Variants in FDFT1 observed in about 807,000 individuals in gnomAD.
FDFT1 encodes squalene synthase.
A neutral mutation model predicts 46.8 loss-of-function variants in FDFT1; 68 were observed. The observed-to-expected ratio is 1.45, with a 90% CI of 1.19 to 1.78. The LOEUF is 1.78. Ranked by LOEUF, FDFT1 falls within the 40% of genes most tolerant of loss-of-function variation. FDFT1 has a pLI of 0.00. For missense variants in FDFT1, 928 were observed against 524.4 expected, an observed-to-expected ratio of 1.77 and a Z score of -7.52; for synonymous variants, 351 against 185.1, an observed-to-expected ratio of 1.90 and a Z score of -7.28.
At chr8:11,797,168 C>G (rs1017469487) in intron 1 of FDFT1, among the ~76,000 whole-genome samples, 1 of 152,216 alleles carries the variant, frequency 6.6e-6, no homozygotes, top group African/African-American at 2.4e-5. Context: ...CGGCCCCTCC[C>G]TGTTTTAGCT....
chr8:11,824,515 C>T (rs1416300803), intron 4 of FDFT1, among the ~76,000 whole-genome samples: 1 of 152,246 alleles, frequency 6.6e-6, no homozygotes, highest in African/African-American at 2.4e-5. Flanking sequence ...CCCCTTGAAC[C>T]TTCCTGGGTT....
At chr8:11,808,269 C>T in intron 1 of FDFT1, 9 of 1,215,216 alleles carry the variant, frequency 7.4e-6, no homozygotes, top group South Asian at 4.3e-5. Flanking sequence ...GGAGGACGAG[C>T]GAGCCGCTCG....
chr8:11,832,142 C>G (rs1372928384), intron 7 of FDFT1, among the ~76,000 whole-genome samples: 8 of 152,170 alleles, frequency 5.3e-5, no homozygotes, highest in South Asian at 2.1e-4. Context: ...GGAAAGCCAT[C>G]AAGTTGCAAT....
chr8:11,810,960 G>C (rs913974229), intron 3 of FDFT1, among the ~76,000 whole-genome samples: 27 of 113,580 alleles, frequency 2.4e-4, no homozygotes, highest in Non-Finnish European at 3.4e-4. Context: ...AAAAAAAAAG[G>C]AATGTTTGGG....
intron 1 of FDFT1, chr8:11,803,301 TA>T: frequency 7.6e-7 from 1 of 1,308,106 alleles, no homozygotes; most frequent in Non-Finnish European, 1.0e-6. Flanking sequence ...AGTTTTTTGG[TA>T]AGCGGAATGA....
At chr8:11,811,191 C>CAG (rs1470686862) in intron 3 of FDFT1, among the ~76,000 whole-genome samples, 1 of 152,186 alleles carries the variant, frequency 6.6e-6, no homozygotes, top group Non-Finnish European at 1.5e-5. Flanking sequence ...TTGACTCTCA[C>CAG]AGGACACCTG....
intron 7 of FDFT1, among the ~76,000 whole-genome samples, chr8:11,833,231 G>T (rs938032044): frequency 6.6e-6 from 1 of 152,098 alleles, no homozygotes; most frequent in African/African-American, 2.4e-5. Flanking sequence ...TGATCTATGT[G>T]CCTGGGGTAG....
chr8:11,809,256 G>T, intron 2 of FDFT1: 1 of 1,149,030 alleles, frequency 8.7e-7, no homozygotes, highest in Non-Finnish European at 1.1e-6. Context: ...CTGCCTCTGT[G>T]CACATTACAC....
chr8:11,809,618 A>T (rs766342095), intron 2 of FDFT1, 49 bp from the exon 3 acceptor site: 2 of 1,515,454 alleles, frequency 1.3e-6, no homozygotes, highest in Non-Finnish European at 1.8e-6. Context: ...AAAATAAAAA[A>T]TCTTTGGCTG....
chr8:11,831,629 A>G lies in FDFT1; in HGVS notation c.991A>G (p.Met331Val), dbSNP rs1467716511. Reference sequence around the variant, plus strand: ...GACCCTGATGATGGATGCCACCAATATGCCAGCTGTCAAAGCCATCATATA... The same window carrying G: ...GACCCTGATGATGGATGCCACCAATGTGCCAGCTGTCAAAGCCATCATATA... ...AVTLMMDATN[M>V]PAVKAIIYQY... is the part of the protein sequence containing the mutation. The change falls in exon 7 of 8, where the codon ATG becomes GTG. Residue 331 changes from methionine (M) to valine (V), a missense_variant. Transcript: ENST00000220584. The G allele has an allele frequency of 1.2e-6, 2 of 1,613,968 alleles. No individual in the cohort carries two copies. The highest frequency in any genetic ancestry group is 1.7e-6 in the Non-Finnish European group (2 of 1,179,900).
rs528930282 is a variant in FDFT1, at chr8:11,807,740, C to A, written c.100-1054C>A. 7.2e-5 allele frequency among the ~76,000 whole-genome samples: 11 copies of A among 152,268 alleles called. No homozygotes were observed. In the South Asian group the frequency reaches 2.3e-3, roughly 32 times the overall value. On this transcript the variant is annotated intron_variant, in intron 1 of 7. Transcript: ENST00000220584. ...TCAGTGCGCTGCATTGCATTAATTTCGAAGGGAAAGATGAGAAGACATCTT... is the reference window on the plus strand; with the variant it reads ...TCAGTGCGCTGCATTGCATTAATTTAGAAGGGAAAGATGAGAAGACATCTT...
chr8:11,808,009 A>G (rs1736067), intron 1 of FDFT1: 113,982 of 152,806 alleles, frequency 0.75, 42,589 homozygotes, highest in South Asian at 0.81. Flanking sequence ...AGGGGTGTGC[A>G]TTCTTGCTGA....
chr8:11,811,718 C>T (rs936907231), intron 3 of FDFT1, among the ~76,000 whole-genome samples: 8 of 152,172 alleles, frequency 5.3e-5, no homozygotes, highest in African/African-American at 7.2e-5. Context: ...ACAGTTGCCC[C>T]GGGAAGAGTA....
At chr8:11,819,031 CTT>C (rs1236472966) in intron 3 of FDFT1, among the ~76,000 whole-genome samples, 2 of 152,112 alleles carry the variant, frequency 1.3e-5, no homozygotes, top group Non-Finnish European at 2.9e-5. Flanking sequence ...TTCAGGAGCT[CTT>C]TTAGGGCAGG....
At chr8:11,802,056 G>GCT (rs1446794620), upstream of FDFT1, 1 of 455,628 alleles carries the variant, frequency 2.2e-6, no homozygotes, top group Non-Finnish European at 4.4e-6. Flanking sequence ...CCTGTTACAG[G>GCT]CTCTCTAAGG....
intron 1 of FDFT1, chr8:11,808,186 A>C (rs1807120328): frequency 2.1e-6 from 2 of 960,420 alleles, no homozygotes; most frequent in Admixed American, 1.0e-4. Context: ...TTGAGTACAA[A>C]GTCCAGGCCT....
upstream of FDFT1, chr8:11,802,729 G>A: frequency 1.1e-6 from 1 of 880,238 alleles, no homozygotes; most frequent in Non-Finnish European, 1.8e-6. Flanking sequence ...CCCCCTGTCC[G>A]GCCAGCCCCT....
rs971166658 is a variant in FDFT1, at chr8:11,809,117, G to A, written c.197+226G>A. ...AGCCTTTCAGAGAAGAGGGGGGAGG[G>A]GGTGATGTTTATTAACTTTTTTTAG... is the stretch of plus-strand genomic sequence containing the variant. On this transcript the variant is annotated intron_variant, in intron 2 of 7. Coordinates refer to ENST00000220584, the MANE Select transcript of FDFT1 (RefSeq NM_004462.5). The A allele has an allele frequency of 1.7e-5, 22 of 1,305,562 alleles. No homozygotes were observed. The African/African-American group carries it at 3.2e-4, about 19-fold the overall frequency. 80.9% of individuals were successfully genotyped at this position (1,305,562 alleles called of 1,614,324 possible). A position where few individuals can be genotyped will look rare whatever the true frequency, so the allele number is the denominator to read the frequency against.
rs560208319 is a variant in FDFT1 at position 11,824,106 on chromosome 8, CCT to C, written c.511-1914_511-1913del. Among the ~76,000 whole-genome samples, 8 of 152,078 alleles carry C rather than the reference CCT, an allele frequency of 5.3e-5. No homozygotes were observed. In the South Asian group the frequency reaches 1.4e-3, roughly 28 times the overall value. ...TAAAACTCTTGGGCTCAAGCAGTCC[CCT>C]CTCCACAGCCTCCCAAAATTCCGGG... On this transcript the variant is annotated intron_variant, in intron 4 of 7. Coordinates refer to ENST00000220584, the MANE Select transcript of FDFT1 (RefSeq NM_004462.5).
Sources: gnomAD v4.1 joint callset for allele counts (sites outside exome capture counted in the v4.1 genomes callset) on GRCh38, gnomAD v4.1.1 for gene constraint, MANE v1.5 for transcripts, NCBI Gene and HGNC (gene_info 2026-07-23, HGNC 2026-07-21) for gene names.